The following ADRA1B variants were observed in gnomAD, a reference collection of about 807,000 sequenced individuals.
ADRA1B encodes the protein adrenoceptor alpha 1B.
ADRA1B carries 17 observed loss-of-function variants against 17.9 expected under a neutral mutation model. The observed-to-expected ratio is 0.95, with a 90% CI of 0.65 to 1.42. The LOEUF (loss-of-function observed/expected upper bound fraction) is 1.42. ADRA1B is among the 40% of genes most tolerant of loss of function. The pLI, the probability that ADRA1B is intolerant of heterozygous loss-of-function variation, is 0.00. For missense variants in ADRA1B, 681 were observed against 722.1 expected (o/e 0.94, Z 0.65); for synonymous variants, 366 against 327.6 (o/e 1.12, Z -1.27).
intron 1 of ADRA1B, among the ~76,000 whole-genome samples, chr5:159,962,178 A>G (rs1161438269): frequency 2.6e-5 from 4 of 152,178 alleles, no homozygotes; most frequent in Non-Finnish European, 5.9e-5. Flanking sequence ...AGCCTGGGCA[A>G]CAGAGTGAGA....
intron 1 of ADRA1B, among the ~76,000 whole-genome samples, chr5:159,957,753 T>C (rs1372321873): frequency 6.6e-6 from 1 of 151,280 alleles, no homozygotes; most frequent in Non-Finnish European, 1.5e-5. Flanking sequence ...CTGGTCAACA[T>C]GATGAAACCT....
chr5:159,965,457 C>T (rs2113289031), intron 1 of ADRA1B, among the ~76,000 whole-genome samples: 1 of 152,264 alleles, frequency 6.6e-6, no homozygotes, highest in African/African-American at 2.4e-5. Context: ...GTATTTACTC[C>T]CCTCACCCAG....
At chr5:159,897,275 C>T (rs527439903) in intron 1 of ADRA1B, among the ~76,000 whole-genome samples, 86 of 152,266 alleles carry the variant, frequency 5.6e-4, no homozygotes, top group Admixed American at 4.6e-4. Context: ...ATCATGAGGT[C>T]ACGAGTTCAA....
At chr5:159,989,172 C>CTTTG in the ADRA1B span, among the ~76,000 whole-genome samples, 14 of 151,880 alleles carry the variant, frequency 9.2e-5, no homozygotes, top group Non-Finnish European at 1.6e-4. Flanking sequence ...TTTTTTGTTT[C>CTTTG]TTTGTTTGTT....
chr5:159,909,314 A>G (rs761728364), intron 1 of ADRA1B, among the ~76,000 whole-genome samples: 31 of 152,158 alleles, frequency 2.0e-4, no homozygotes, highest in Non-Finnish European at 5.9e-5. Flanking sequence ...CCGCCTTCTG[A>G]CATCACTCCC....
chr5:159,877,978 T>A (rs1753819600), intron 1 of ADRA1B, among the ~76,000 whole-genome samples: 1 of 152,174 alleles, frequency 6.6e-6, no homozygotes, highest in Non-Finnish European at 1.5e-5. Flanking sequence ...TCTGACCTCT[T>A]CTGGGAACAA....
At chr5:159,985,815 G>A in the ADRA1B span, among the ~76,000 whole-genome samples, 12 of 152,218 alleles carry the variant, frequency 7.9e-5, no homozygotes, top group African/African-American at 2.2e-4. Flanking sequence ...CCTGCATTGC[G>A]AAGAGGAGCA....
At chr5:159,943,761 A>G (rs1408646690) in intron 1 of ADRA1B, among the ~76,000 whole-genome samples, 1 of 152,150 alleles carries the variant, frequency 6.6e-6, no homozygotes. Context: ...TCATAGGAAG[A>G]AAAGATAAAA....
chr5:159,931,008 T>TA (rs1293968394), intron 1 of ADRA1B, among the ~76,000 whole-genome samples: 2 of 147,436 alleles, frequency 1.4e-5, no homozygotes, highest in Non-Finnish European at 3.0e-5. Flanking sequence ...TTTTATAATA[T>TA]TTATTATATA....
chr5:159,924,348 C>A (rs1240004033), intron 1 of ADRA1B, among the ~76,000 whole-genome samples: 2 of 152,114 alleles, frequency 1.3e-5, no homozygotes, highest in African/African-American at 4.8e-5. Context: ...TACCCTATGT[C>A]AATCCCTTTC....
At chr5:159,894,346 T>C (rs571838325) in intron 1 of ADRA1B, among the ~76,000 whole-genome samples, 14 of 152,364 alleles carry the variant, frequency 9.2e-5, no homozygotes, top group African/African-American at 3.4e-4. Context: ...TTTTAGGGGA[T>C]AGAGAATTTT....
the ADRA1B span, among the ~76,000 whole-genome samples, chr5:159,987,363 G>A: frequency 6.6e-6 from 1 of 152,256 alleles, no homozygotes; most frequent in African/African-American, 2.4e-5. Context: ...GCAGAGCGCA[G>A]CAAAGAAGAC....
rs573594398 is a variant in ADRA1B, at chr5:159,908,630, C to A, written c.-255-7489C>A. Among the ~76,000 whole-genome samples the A allele has an allele frequency of 4.6e-5, 7 of 152,274 alleles. No homozygotes were observed. The East Asian group carries it at 9.6e-4, about 21-fold the overall frequency. On this transcript the variant is annotated intron_variant, in intron 1 of 2. Coordinates refer to the ADRA1B transcript ENST00000641205. ...ATGTTTCTTGTACAGCCCCAATAAG[C>A]CTTTCTTCTTTATAGACTATCCAGC...
intron 1 of ADRA1B, chr5:159,866,903 C>T (rs1286473235): frequency 6.6e-6 from 1 of 152,096 alleles, no homozygotes; most frequent in East Asian, 1.9e-4. Context: ...AGGGATAAGC[C>T]GGGTTAGTTA....
At chr5:159,950,194 T>C (rs1311877281) in intron 1 of ADRA1B, among the ~76,000 whole-genome samples, 1 of 152,232 alleles carries the variant, frequency 6.6e-6, no homozygotes, top group Non-Finnish European at 1.5e-5. Context: ...GTGAAACATC[T>C]GGTTCCAGCT....
chr5:159,870,385 A>G (rs1753721940), intron 1 of ADRA1B: 1 of 152,218 alleles, frequency 6.6e-6, no homozygotes, highest in Non-Finnish European at 1.5e-5. Flanking sequence ...AATGTAGACA[A>G]GCTCTCTTTG....
upstream of ADRA1B, among the ~76,000 whole-genome samples, chr5:159,915,647 TC>T (rs1396861454): frequency 7.9e-5 from 12 of 152,218 alleles, no homozygotes; most frequent in South Asian, 4.2e-4. Flanking sequence ...GCTAGCTTCC[TC>T]CCTCAATTCC....
At chr5:159,886,178 C>T (rs1413687754) in intron 1 of ADRA1B, among the ~76,000 whole-genome samples, 1 of 152,194 alleles carries the variant, frequency 6.6e-6, no homozygotes, top group Non-Finnish European at 1.5e-5. Context: ...GTAGCCAGTG[C>T]CATCACCTTT....
At chr5:159,977,829 A>G (rs1449015997), downstream of ADRA1B, among the ~76,000 whole-genome samples, 1 of 152,096 alleles carries the variant, frequency 6.6e-6, no homozygotes, top group East Asian at 1.9e-4. Flanking sequence ...TCTTCAAATG[A>G]TAGGAGCAGG....
Sources: allele counts gnomAD v4.1 joint callset (sites outside exome capture counted in the v4.1 genomes callset), GRCh38; gene constraint gnomAD v4.1.1; transcripts MANE v1.5; gene names NCBI Gene and HGNC (gene_info 2026-07-23, HGNC 2026-07-21).